The following NELL1 variants were observed in gnomAD, a reference collection of about 807,000 sequenced individuals.
NELL1 encodes neural EGFL like 1.
Under a neutral mutation model 107.4 loss-of-function variants are expected in NELL1, and 76 were observed. The observed-to-expected ratio is 0.71, with a 90% CI of 0.59 to 0.86. The LOEUF (loss-of-function observed/expected upper bound fraction) is 0.86, where lower values mean the gene tolerates loss of function less well. Ranked by LOEUF, NELL1 falls within the 40% of genes least tolerant of loss-of-function variation. The probability of loss-of-function intolerance (pLI) is 0.00; values close to 1 mark genes in which losing one functional copy is unlikely to be tolerated. For synonymous variants in NELL1, 353 were observed against 341.2 expected (o/e 1.03, Z -0.38); for missense variants, 1,024 against 1,005.5 (o/e 1.02, Z -0.25).
intron 4 of NELL1, among the ~76,000 whole-genome samples, chr11:20,860,535 C>T (rs1010754720): frequency 2.8e-4 from 43 of 152,168 alleles, no homozygotes; most frequent in African/African-American, 9.9e-4. Flanking sequence ...TCCACCTGTA[C>T]AGGGGGTATC....
intron 14 of NELL1, among the ~76,000 whole-genome samples, chr11:21,350,169 A>G (rs1363574097): frequency 6.6e-6 from 1 of 152,002 alleles, no homozygotes; most frequent in Non-Finnish European, 1.5e-5. Flanking sequence ...TTATTTAGAC[A>G]TTTTCTCTCA....
chr11:21,483,658 A>G (rs1854547597), intron 15 of NELL1, among the ~76,000 whole-genome samples: 2 of 151,944 alleles, frequency 1.3e-5, no homozygotes, highest in South Asian at 4.2e-4. Context: ...TGCCTAGAAA[A>G]TAGTGTGAAA....
At chr11:20,841,979 T>C (rs1848630542) in intron 3 of NELL1, among the ~76,000 whole-genome samples, 1 of 152,156 alleles carries the variant, frequency 6.6e-6, no homozygotes. Context: ...CACATAGCCA[T>C]TGAGACCCCT....
chr11:21,274,714 G>C (rs1373105006), intron 14 of NELL1, among the ~76,000 whole-genome samples: 1 of 152,182 alleles, frequency 6.6e-6, no homozygotes, highest in African/African-American at 2.4e-5. Flanking sequence ...AGGCCACAGT[G>C]CAATCAAACT....
intron 2 of NELL1, among the ~76,000 whole-genome samples, chr11:20,755,562 GT>G (rs869257918): frequency 0.032 from 843 of 26,062 alleles, 21 homozygotes; most frequent in African/African-American, 0.052. Context: ...TTTTGTTTTT[GT>G]TTTTTTTTTT....
Position 21,521,567 on chromosome 11 carries a change from T to C in NELL1, c.1646-12807T>C, listed in dbSNP as rs1855724948. ...TTGCTGAAATAGAGGTTAAAATCTC[T>C]AGATTTGTATTTTTTTCCTTTTGGT... On this transcript the variant is annotated intron_variant, in intron 15 of 19. Transcript: ENST00000357134. Among the ~76,000 whole-genome samples the C allele has an allele frequency of 2.0e-5, 3 of 152,344 alleles. No homozygotes were observed. The South Asian group carries it at 6.2e-4, about 32-fold the overall frequency.
intron 12 of NELL1, among the ~76,000 whole-genome samples, chr11:20,997,238 A>C (rs149429205): frequency 9.8e-4 from 150 of 152,336 alleles, no homozygotes; most frequent in African/African-American, 3.5e-3. Flanking sequence ...TTTGGATTTA[A>C]GAGTTTAAGT....
chr11:21,151,401 G>T (rs1856113789), intron 13 of NELL1, among the ~76,000 whole-genome samples: 1 of 152,126 alleles, frequency 6.6e-6, no homozygotes, highest in East Asian at 1.9e-4. Flanking sequence ...ATAGGTGTGT[G>T]CATGTATGTA....
At chr11:21,564,007 G>A (rs1275027763) in intron 17 of NELL1, among the ~76,000 whole-genome samples, 2 of 151,950 alleles carry the variant, frequency 1.3e-5, no homozygotes, top group East Asian at 1.9e-4. Context: ...AGTATAAGAA[G>A]GGTATAGTCA....
chr11:21,491,258 A>T (rs767974955), intron 15 of NELL1, among the ~76,000 whole-genome samples: 1 of 152,200 alleles, frequency 6.6e-6, no homozygotes, highest in Admixed American at 6.5e-5. Context: ...TGTTTTAGAC[A>T]TGAAGTCCTT....
chr11:21,256,006 C>T (rs907252370), intron 14 of NELL1, among the ~76,000 whole-genome samples: 5 of 151,986 alleles, frequency 3.3e-5, no homozygotes, highest in African/African-American at 9.7e-5. Context: ...TTCTAACACT[C>T]GGTATATATA....
chr11:21,081,399 A>G (rs935802079), intron 12 of NELL1, among the ~76,000 whole-genome samples: 4 of 151,942 alleles, frequency 2.6e-5, no homozygotes, highest in Non-Finnish European at 5.9e-5. Flanking sequence ...TTTCCCCCCT[A>G]TAAACGAAGG....
At chr11:21,463,722 T>G (rs1426598258) in intron 15 of NELL1, among the ~76,000 whole-genome samples, 5 of 152,080 alleles carry the variant, frequency 3.3e-5, no homozygotes, top group Non-Finnish European at 7.4e-5. Flanking sequence ...CACTACTTAG[T>G]GGCATAAGAC....
chr11:20,739,697 C>A (rs2133932330), intron 2 of NELL1, among the ~76,000 whole-genome samples: 1 of 152,284 alleles, frequency 6.6e-6, no homozygotes, highest in East Asian at 1.9e-4. Context: ...TGTTAATGGA[C>A]ATGTTCCCGC....
At chr11:21,517,805 C>G (rs1390749963) in intron 15 of NELL1, among the ~76,000 whole-genome samples, 1 of 152,126 alleles carries the variant, frequency 6.6e-6, no homozygotes, top group Non-Finnish European at 1.5e-5. Flanking sequence ...AACAGTCTTT[C>G]TTCTCTACAT....
chr11:21,235,496 C>T (rs1486688845), intron 14 of NELL1, among the ~76,000 whole-genome samples: 1 of 152,056 alleles, frequency 6.6e-6, no homozygotes, highest in Non-Finnish European at 1.5e-5. Flanking sequence ...GTTAAAATTT[C>T]CCACCTATAG....
intron 12 of NELL1, among the ~76,000 whole-genome samples, chr11:20,995,476 G>T (rs1035204004): frequency 6.6e-5 from 10 of 152,070 alleles, no homozygotes; most frequent in Non-Finnish European, 7.3e-5. Flanking sequence ...CACTCCGGAG[G>T]CTGAGGCAGG....
At chr11:20,685,910 CT>C (rs1245714783) in intron 2 of NELL1, among the ~76,000 whole-genome samples, 2 of 151,942 alleles carry the variant, frequency 1.3e-5, no homozygotes, top group African/African-American at 4.8e-5. Context: ...TTATTACCCC[CT>C]TTTATCAATG....
rs114299447 is a variant in NELL1 at position 20,749,232 on chromosome 11, C to T, written c.185-34448C>T. Reference sequence around the variant, plus strand: ...GTATAGTGAACAGCTGGGACTATGGCGGGCGAGAAATTACTAGCACGTTTT... The same window carrying T: ...GTATAGTGAACAGCTGGGACTATGGTGGGCGAGAAATTACTAGCACGTTTT... On this transcript the variant is annotated intron_variant, in intron 2 of 19. Coordinates refer to ENST00000357134, the MANE Select transcript of NELL1 (RefSeq NM_006157.5). Among the ~76,000 whole-genome samples the T allele has an allele frequency of 9.9e-4, 151 of 152,122 alleles. 1 individual carries two copies. Among genetic ancestry groups the T allele is most frequent in the African/African-American group, 3.4e-3 (142 of 41,476 alleles).
Sources: allele counts gnomAD v4.1 joint callset (sites outside exome capture counted in the v4.1 genomes callset), GRCh38; gene constraint gnomAD v4.1.1; transcripts MANE v1.5; gene names NCBI Gene and HGNC (gene_info 2026-07-23, HGNC 2026-07-21).